DZIP3: variants seen among roughly 807,000 people sequenced by gnomAD.
DZIP3 encodes E3 ubiquitin-protein ligase DZIP3.
A neutral mutation model predicts 162.0 loss-of-function variants in DZIP3; 118 were observed. That is an observed-to-expected ratio of 0.73 (90% CI 0.63 to 0.85). The LOEUF (loss-of-function observed/expected upper bound fraction) is 0.85, where lower values mean the gene tolerates loss of function less well. DZIP3 is among the 40% of genes least tolerant of loss of function. The pLI, the probability that DZIP3 is intolerant of heterozygous loss-of-function variation, is 0.00. For missense variants in DZIP3, 1,331 were observed against 1,407.0 expected (o/e 0.95, Z 0.86); for synonymous variants, 438 against 458.6 (o/e 0.96, Z 0.57).
intron 4 of DZIP3, among the ~76,000 whole-genome samples, chr3:108,613,312 A>T (rs1187817864): frequency 1.3e-5 from 2 of 152,144 alleles, no homozygotes; most frequent in African/African-American, 4.8e-5. Flanking sequence ...AATAAGAGGA[A>T]AAATAGCCAA....
At chr3:108,595,562 T>C (rs1282908962) in intron 1 of DZIP3, among the ~76,000 whole-genome samples, 1 of 152,190 alleles carries the variant, frequency 6.6e-6, no homozygotes, top group Non-Finnish European at 1.5e-5. Flanking sequence ...ATAGATATTT[T>C]CCGTAATTTA....
chr3:108,616,772 T>C (rs1941041036), intron 5 of DZIP3, 115 bp downstream of exon 5: 4 of 700,430 alleles, frequency 5.7e-6, no homozygotes, highest in Admixed American at 2.7e-5. Context: ...TTTTTTTCTT[T>C]TACCTCTAGA....
In DZIP3 at chr3:108,673,010, C is replaced by T. The variant is rs77226211; in HGVS notation, c.2589+354C>T. 1.8e-4 allele frequency among the ~76,000 whole-genome samples: 27 copies of T among 152,056 alleles called. 1 individual carries two copies. The East Asian group carries it at 3.7e-3, about 21-fold the overall frequency. ...TACTGCTGCCACAATATCTTCTTTGCTACTTCCAATATATATCTTACAAAA... is the reference window on the plus strand; with the variant it reads ...TACTGCTGCCACAATATCTTCTTTGTTACTTCCAATATATATCTTACAAAA... On this transcript the variant is annotated intron_variant, in intron 23 of 32. Coordinates refer to ENST00000361582, the MANE Select transcript of DZIP3 (RefSeq NM_014648.4).
intron 7 of DZIP3, among the ~76,000 whole-genome samples, chr3:108,628,245 A>G (rs1052128929): frequency 6.6e-6 from 1 of 152,148 alleles, no homozygotes; most frequent in East Asian, 1.9e-4. Context: ...ATATTTTTGC[A>G]TGGTCTCTAA....
chr3:108,682,804 A>G (rs893797786), intron 26 of DZIP3, among the ~76,000 whole-genome samples: 1 of 150,892 alleles, frequency 6.6e-6, no homozygotes, highest in Non-Finnish European at 1.5e-5. Flanking sequence ...AGTGATGAAT[A>G]TGCCAATTAC....
chr3:108,667,629 C>T (rs183607371), intron 21 of DZIP3, among the ~76,000 whole-genome samples: 32 of 151,998 alleles, frequency 2.1e-4, no homozygotes, highest in African/African-American at 7.7e-4. Context: ...CAAGATGTTA[C>T]CATGGGGAGA....
Position 108,644,483 on chromosome 3 carries a change from G to GA in DZIP3, c.1463dup (p.Asn488LysfsTer8), listed in dbSNP as rs756190384. The GA allele has an allele frequency of 1.2e-6, 2 of 1,613,922 alleles. No homozygotes were observed. Among genetic ancestry groups the GA allele is most frequent in the Admixed American group, 1.7e-5 (1 of 59,976 alleles). The stretch of plus-strand genomic sequence containing the variant: ...TGTTCCCTGCACCCAAAAAAGGATG[G>GA]AATATGGAACCGCCATCTTCTGACA... On this transcript the variant is annotated frameshift_variant, in exon 14 of 33. Transcript: ENST00000361582. LOFTEE classifies it high-confidence loss of function.
At chr3:108,684,152 T>G in intron 26 of DZIP3, 64 bp from the exon 27 acceptor site, 4 of 1,528,024 alleles carry the variant, frequency 2.6e-6, no homozygotes, top group Non-Finnish European at 3.5e-6. Flanking sequence ...GATGATTGCC[T>G]AAATAAATAT....
chr3:108,616,156 CAGG>C (rs1384641002), intron 4 of DZIP3, among the ~76,000 whole-genome samples: 1 of 151,964 alleles, frequency 6.6e-6, no homozygotes, highest in Non-Finnish European at 1.5e-5. Context: ...CCCAGATACT[CAGG>C]AGGCTGAGGC....
intron 26 of DZIP3, among the ~76,000 whole-genome samples, chr3:108,680,080 G>A (rs1395420927): frequency 6.6e-6 from 1 of 152,010 alleles, no homozygotes; most frequent in Non-Finnish European, 1.5e-5. Flanking sequence ...AAAAGCATTT[G>A]ACAAAATTCA....
In DZIP3 at chr3:108,631,045, A is replaced by ACTCTCT. The variant is rs1273420432; in HGVS notation, c.696+1870_696+1871insTCTCTC. On this transcript the variant is annotated intron_variant, in intron 8 of 32. Transcript: ENST00000361582. ...CACACACACACACACACACACACAC[A>ACTCTCT]CACACACACACTCTCTCTCTCTCTC... Among the ~76,000 whole-genome samples, 32 of 81,884 alleles carry ACTCTCT rather than the reference A, an allele frequency of 3.9e-4. 1 individual carries two copies. The highest frequency in any genetic ancestry group is 5.0e-4 in the African/African-American group (9 of 17,956). 53.7% of individuals were successfully genotyped at this position (81,884 alleles called of 152,430 possible).
At position 108,618,400 on chromosome 3, in the gene DZIP3, G is replaced by C. The variant is rs201868802; in HGVS notation, c.375+1743G>C. Among the ~76,000 whole-genome samples the C allele has an allele frequency of 2.0e-5, 3 of 152,258 alleles. No individual in the cohort carries two copies. The East Asian group carries it at 5.8e-4, about 29-fold the overall frequency. ...CTTCTTTAGTGTTTGCTGTATGACAGCCACTATTCTAAGCGCTTTGTAAAA... is the reference window on the plus strand; with the variant it reads ...CTTCTTTAGTGTTTGCTGTATGACACCCACTATTCTAAGCGCTTTGTAAAA... On this transcript the variant is annotated intron_variant, in intron 5 of 32. Transcript: ENST00000361582.
intron 12 of DZIP3, among the ~76,000 whole-genome samples, chr3:108,639,728 A>G (rs1942307193): frequency 6.6e-6 from 1 of 151,654 alleles, no homozygotes; most frequent in East Asian, 1.9e-4. Flanking sequence ...TGATCTTTTC[A>G]AAGAATCAGC....
intron 21 of DZIP3, among the ~76,000 whole-genome samples, chr3:108,666,360 G>T (rs944454907): frequency 6.6e-6 from 1 of 152,018 alleles, no homozygotes. Context: ...GAACCTCAAG[G>T]TATATGTACC....
chr3:108,641,786 T>A (rs1166252602), intron 12 of DZIP3, among the ~76,000 whole-genome samples: 2 of 152,186 alleles, frequency 1.3e-5, no homozygotes, highest in Non-Finnish European at 2.9e-5. Flanking sequence ...CAGTTAACAA[T>A]AACAACCACC....
chr3:108,642,705 C>T (rs1942455693), intron 13 of DZIP3, among the ~76,000 whole-genome samples, 191 bp downstream of exon 13: 1 of 152,168 alleles, frequency 6.6e-6, no homozygotes, highest in Non-Finnish European at 1.5e-5. Flanking sequence ...ATCTATGGAT[C>T]TCACATTACC....
intron 32 of DZIP3, among the ~76,000 whole-genome samples, chr3:108,692,835 TATA>T (rs1211117238): frequency 6.0e-5 from 9 of 151,006 alleles, no homozygotes; most frequent in Admixed American, 2.0e-4. Context: ...CAAATTTTTA[TATA>T]ATAAGTTTTA....
intron 19 of DZIP3, 185 bp downstream of exon 19, chr3:108,654,495 C>T: frequency 1.7e-6 from 1 of 598,622 alleles, no homozygotes; most frequent in South Asian, 2.1e-5. Flanking sequence ...AAAAGAACGC[C>T]TAGGAGCTGG....
intron 31 of DZIP3, 103 bp downstream of exon 31, chr3:108,689,027 A>T: frequency 9.0e-7 from 1 of 1,112,488 alleles, no homozygotes; most frequent in Non-Finnish European, 1.3e-6. Context: ...CACAAGTTCC[A>T]CTGGATATAA....
Sources: gnomAD v4.1 joint callset for allele counts (sites outside exome capture counted in the v4.1 genomes callset) on GRCh38, gnomAD v4.1.1 for gene constraint, MANE v1.5 for transcripts, NCBI Gene and HGNC (gene_info 2026-07-23, HGNC 2026-07-21) for gene names.